Variants in PHEX observed in about 807,000 individuals in gnomAD.
PHEX encodes the protein phosphate regulating endopeptidase X-linked.
Under a neutral mutation model 68.0 loss-of-function variants are expected in PHEX, and 16 were observed. That is an observed-to-expected ratio of 0.24 (90% confidence interval 0.16 to 0.36). The LOEUF (loss-of-function observed/expected upper bound fraction) is 0.36, where lower values mean the gene tolerates loss of function less well. PHEX is among the 10% of genes least tolerant of loss of function. PHEX has a pLI of 1.00. For synonymous variants in PHEX, 208 were observed against 205.1 expected (o/e 1.01, Z -0.12); for missense variants, 480 against 575.5 (o/e 0.83, Z 1.70).
chrX:22,125,265 A>C (rs1931666851), intron 11 of PHEX, among the ~76,000 whole-genome samples: 1 of 111,416 alleles, frequency 9.0e-6, no homozygotes, highest in Admixed American at 9.6e-5. Flanking sequence ...ACATTCCACC[A>C]ATCAGTGGTT....
chrX:22,068,957 C>T (rs941136317), intron 3 of PHEX, among the ~76,000 whole-genome samples: 1 of 111,287 alleles, frequency 9.0e-6, no homozygotes, highest in African/African-American at 3.3e-5. Flanking sequence ...GTGGTGAAAC[C>T]CCGACTCTAC....
At chrX:22,245,250 C>A in intron 20 of PHEX, 83 bp from the exon 21 acceptor site, 1 of 731,645 alleles carries the variant, frequency 1.4e-6, no homozygotes, top group South Asian at 2.1e-5. Flanking sequence ...AATTGTTCCT[C>A]AGTATAATTT....
At chrX:22,110,673 A>G (rs983330452) in intron 9 of PHEX, among the ~76,000 whole-genome samples, 1 of 106,207 alleles carries the variant, frequency 9.4e-6, no homozygotes, top group Non-Finnish European at 1.9e-5. Flanking sequence ...GAAGCTGGAA[A>G]CCATCATTCT....
Position 22,090,648 on chromosome X carries a change from A to G in PHEX, c.732+151A>G, listed in dbSNP as rs373157206. 216 of 494,372 alleles carry G rather than the reference A, an allele frequency of 4.4e-4. 1 individual carries two copies. The South Asian group carries it at 5.8e-3, about 13-fold the overall frequency. 40.7% of individuals were successfully genotyped at this position (494,372 alleles called of 1,213,427 possible). On this transcript the variant is annotated intron_variant, in intron 6 of 21. Coordinates refer to ENST00000379374, the MANE Select transcript of PHEX (RefSeq NM_000444.6). Reference sequence around the variant, plus strand: ...GGAAGACTTTTATTCAGGCAGATAAATTCCACTCCCTGTCTTTCTAGAAGT... The same window carrying G: ...GGAAGACTTTTATTCAGGCAGATAAGTTCCACTCCCTGTCTTTCTAGAAGT...
At chrX:22,058,247 T>C (rs943945597) in intron 3 of PHEX, among the ~76,000 whole-genome samples, 6 of 112,045 alleles carry the variant, frequency 5.4e-5, no homozygotes, top group African/African-American at 1.9e-4. Flanking sequence ...AAACTACTTC[T>C]TTCTGAGCCT....
intron 12 of PHEX, among the ~76,000 whole-genome samples, chrX:22,137,638 C>T (rs1443034942): frequency 1.8e-5 from 2 of 111,386 alleles, no homozygotes; most frequent in Non-Finnish European, 3.8e-5. Context: ...TGGTTCCAGA[C>T]CAGTAGCAGC....
chrX:22,047,319 C>A, intron 3 of PHEX, 108 bp downstream of exon 3: 4 of 674,284 alleles, frequency 5.9e-6, no homozygotes, highest in Non-Finnish European at 9.5e-6. Context: ...AACTACCATG[C>A]TAAATTCATT....
intron 11 of PHEX, among the ~76,000 whole-genome samples, chrX:22,126,129 AAACT>A (rs1931710192): frequency 8.9e-6 from 1 of 112,174 alleles, no homozygotes; most frequent in South Asian, 3.7e-4. Flanking sequence ...TGAAATCATA[AAACT>A]AACAAAATTT....
At position 22,069,963 on chromosome X, in the gene PHEX, C is replaced by G. The variant is rs146000429; in HGVS notation, c.350-6425C>G. 3.1e-3 allele frequency among the ~76,000 whole-genome samples: 343 copies of G among 111,377 alleles called. 1 individual carries two copies. The highest frequency in any genetic ancestry group is 5.2e-3 in the Non-Finnish European group (277 of 53,096). ...GCTTTAAGTGCATAAGGGTTTAATA[C>G]CTTTAATACCCATGCAGTGTGAGTT... On this transcript the variant is annotated intron_variant, in intron 3 of 21. Transcript: ENST00000379374.
chrX:22,166,481 T>G (rs1426114610), intron 12 of PHEX, among the ~76,000 whole-genome samples: 1 of 110,957 alleles, frequency 9.0e-6, no homozygotes, highest in African/African-American at 3.3e-5. Flanking sequence ...CTCCTTGTAG[T>G]TTTTTTCATT....
intron 12 of PHEX, among the ~76,000 whole-genome samples, chrX:22,160,599 A>G (rs1270521006): frequency 9.2e-6 from 1 of 108,707 alleles, no homozygotes; most frequent in Non-Finnish European, 1.9e-5. Context: ...TGTGCAGAGG[A>G]ACTCCCCTTC....
chrX:22,238,122 T>TA lies in PHEX; in HGVS notation c.2071-7204dup, dbSNP rs757292526. On this transcript the variant is annotated intron_variant, in intron 20 of 21. Transcript: ENST00000379374. ...CAACATGGCAAAACCCCATCTCTAC[T>TA]AAAAAAATACAAAAATTAGGCAAGA... is the stretch of plus-strand genomic sequence containing the variant. Among the ~76,000 whole-genome samples, 9 of 111,948 alleles carry TA rather than the reference T, an allele frequency of 8.0e-5. No individual in the cohort carries two copies. The East Asian group carries it at 1.4e-3, about 17-fold the overall frequency.
intron 9 of PHEX, among the ~76,000 whole-genome samples, chrX:22,110,712 A>G (rs759838008): frequency 4.6e-4 from 51 of 110,399 alleles, no homozygotes; most frequent in African/African-American, 1.5e-3. Context: ...ACAAAAAACC[A>G]AACACCGCAT....
intron 7 of PHEX, among the ~76,000 whole-genome samples, chrX:22,096,443 A>G (rs1930139025): frequency 8.9e-6 from 1 of 112,035 alleles, no homozygotes; most frequent in South Asian, 3.7e-4. Flanking sequence ...GGCTAGGGAA[A>G]TCTCAAGGCC....
chrX:22,206,690 TAGG>T (rs959022233), intron 15 of PHEX, among the ~76,000 whole-genome samples: 6 of 111,294 alleles, frequency 5.4e-5, no homozygotes, highest in Admixed American at 4.8e-4. Flanking sequence ...GGTTCTAGGT[TAGG>T]AGAAGAGAGG....
At chrX:22,221,356 A>G (rs1232705837) in intron 17 of PHEX, among the ~76,000 whole-genome samples, 1 of 112,398 alleles carries the variant, frequency 8.9e-6, no homozygotes, top group African/African-American at 3.2e-5. Context: ...AGACTAGTAT[A>G]TGTAATAAAT....
chrX:22,043,700 T>A (rs1180011509), intron 2 of PHEX, among the ~76,000 whole-genome samples: 1 of 111,785 alleles, frequency 8.9e-6, no homozygotes, highest in Non-Finnish European at 1.9e-5. Context: ...CTTGATTAAA[T>A]CTAAAAACAG....
At chrX:22,244,851 C>G (rs1936345807) in intron 20 of PHEX, among the ~76,000 whole-genome samples, 1 of 111,706 alleles carries the variant, frequency 9.0e-6, no homozygotes, top group Admixed American at 9.6e-5. Context: ...CCATGCCCAA[C>G]TTCAAAGGAG....
At chrX:22,169,203 A>C in intron 13 of PHEX, among the ~76,000 whole-genome samples, 1 of 112,130 alleles carries the variant, frequency 8.9e-6, no homozygotes, top group Admixed American at 9.5e-5. Context: ...ATGAGCATCA[A>C]AATTTTACAA....
Sources: gnomAD v4.1 joint callset for allele counts (sites outside exome capture counted in the v4.1 genomes callset) on GRCh38, gnomAD v4.1.1 for gene constraint, MANE v1.5 for transcripts, NCBI Gene and HGNC (gene_info 2026-07-23, HGNC 2026-07-21) for gene names.